The following ADAP1 variants were observed in gnomAD, a reference collection of about 807,000 sequenced individuals.
The protein encoded by ADAP1 is arf-GAP with dual PH domain-containing protein 1.
In ADAP1, 31 loss-of-function variants were observed where a neutral mutation model predicts 54.9. The ratio of observed to expected loss-of-function variants is 0.56; its 90% CI spans 0.42 to 0.76. The LOEUF (loss-of-function observed/expected upper bound fraction) is 0.76, where lower values mean the gene tolerates loss of function less well. ADAP1 is among the 30% of genes least tolerant of loss of function. The pLI is 0.00. For missense variants in ADAP1, 535 were observed against 512.4 expected (o/e 1.04, Z -0.42); for synonymous variants, 313 against 202.6 (o/e 1.55, Z -4.63).
chr7:908,081 G>A (rs866982665), intron 4 of ADAP1, among the ~76,000 whole-genome samples: 1 of 152,168 alleles, frequency 6.6e-6, no homozygotes, highest in Non-Finnish European at 1.5e-5. Flanking sequence ...CATCCTGCTG[G>A]CCATGTGGCC....
chr7:930,502 C>A (rs186766954), intron 2 of ADAP1, among the ~76,000 whole-genome samples: 141 of 148,992 alleles, frequency 9.5e-4, no homozygotes, highest in African/African-American at 3.2e-3. Context: ...ATAGCAAGAC[C>A]CCATCACTAC....
At chr7:921,953 C>G (rs12669038) in intron 3 of ADAP1, among the ~76,000 whole-genome samples, 1 of 152,168 alleles carries the variant, frequency 6.6e-6, no homozygotes, top group African/African-American at 2.4e-5. Flanking sequence ...GGCTCACACC[C>G]GCACACAAGG....
chr7:931,323 G>A (rs1337051593), intron 2 of ADAP1, among the ~76,000 whole-genome samples: 2 of 152,182 alleles, frequency 1.3e-5, no homozygotes, highest in Non-Finnish European at 2.9e-5. Flanking sequence ...AGGTAGAGAC[G>A]ACCCACGTGT....
chr7:935,761 C>G (rs34254431), intron 1 of ADAP1, among the ~76,000 whole-genome samples: 73,911 of 151,814 alleles, frequency 0.49, 18,157 homozygotes, highest in East Asian at 0.68. Flanking sequence ...CCTGCTCTGC[C>G]CCGCGGGTGC....
At chr7:931,481 C>T (rs1285272112) in intron 2 of ADAP1, among the ~76,000 whole-genome samples, 1 of 152,124 alleles carries the variant, frequency 6.6e-6, no homozygotes, top group Non-Finnish European at 1.5e-5. Flanking sequence ...GACGCCGAAG[C>T]TCACACGCCG....
chr7:900,694 ACAGAGGGGCCG>A (rs1844757041), intron 6 of ADAP1, 78 bp from the exon 7 acceptor site: 9 of 1,313,718 alleles, frequency 6.9e-6, no homozygotes, highest in Non-Finnish European at 9.6e-6. Context: ...TGGGGTCCCC[ACAGAGGGGCCG>A]CTTCCCCCAG....
intron 5 of ADAP1, among the ~76,000 whole-genome samples, chr7:904,523 C>A (rs955279582): frequency 5.9e-5 from 9 of 152,310 alleles, no homozygotes; most frequent in African/African-American, 1.9e-4. Context: ...GCACCTCCCT[C>A]CCCGGGGGCA....
chr7:903,967 G>A (rs773225759), intron 6 of ADAP1, 159 bp downstream of exon 6: 160 of 933,432 alleles, frequency 1.7e-4, no homozygotes, highest in South Asian at 1.2e-3. Context: ...CCAAGCACCC[G>A]CCTTCCCACG....
rs1847342728 is a variant in ADAP1, at chr7:954,560, C to A, written c.-83G>T. 9.1e-6 allele frequency: 9 copies of A among 988,016 alleles called. No homozygotes were observed. The highest frequency in any genetic ancestry group is 1.1e-5 in the Non-Finnish European group (9 of 832,918). 61.2% of individuals were successfully genotyped at this position (988,016 alleles called of 1,614,324 possible). ...CTCGCTAGGGCCCCGCGCAGGCCGCCCGCCGCCGCCGCCCCTGCGCCATCC... is the reference window on the plus strand; with the variant it reads ...CTCGCTAGGGCCCCGCGCAGGCCGCACGCCGCCGCCGCCCCTGCGCCATCC... On this transcript the variant is annotated 5_prime_UTR_variant, in exon 1 of 11. Coordinates refer to ENST00000265846, the MANE Select transcript of ADAP1 (RefSeq NM_006869.4).
In ADAP1 at chr7:920,047, G is replaced by A. The variant is rs779610977; in HGVS notation, c.309C>T (p.Leu103=). The A allele has an allele frequency of 1.9e-6, 3 of 1,605,838 alleles. No homozygotes were observed. Among genetic ancestry groups the A allele is most frequent in the Non-Finnish European group, 2.5e-6 (3 of 1,179,430 alleles). ...YYRPTPSDCQ[L]LREQWIRAKY... ...TGGCCCGGATCCACTGCTCTCGAAG[G>A]AGCCTGTGGGGAGAGGAGAGACTGA... Residue 103 remains leucine, a synonymous_variant, in exon 4 of 11, where the codon CTC becomes CTT. Transcript: ENST00000265846. The surrounding 1 kb of genome is among the most constrained non-coding windows in gnomAD (Gnocchi z 4.5).
chr7:901,793 C>T (rs896774147), intron 6 of ADAP1, among the ~76,000 whole-genome samples: 5 of 151,366 alleles, frequency 3.3e-5, no homozygotes, highest in African/African-American at 1.2e-4. Context: ...CGGCCCGCCC[C>T]GTCCCATTTG....
At chr7:936,872 T>C (rs1438673918) in intron 1 of ADAP1, among the ~76,000 whole-genome samples, 3 of 152,158 alleles carry the variant, frequency 2.0e-5, no homozygotes, top group Non-Finnish European at 4.4e-5. Context: ...TGGCGGAGGA[T>C]AGCCCCCCTC....
intron 2 of ADAP1, among the ~76,000 whole-genome samples, chr7:930,055 G>T (rs1315056384): frequency 6.5e-5 from 8 of 123,676 alleles, no homozygotes; most frequent in African/African-American, 2.5e-4. Context: ...ACTGAGCTGT[G>T]ATTGAGCCAC....
Position 900,288 on chromosome 7 carries a change from G to C in ADAP1, c.733-124C>G, listed in dbSNP as rs1429123634. 4 of 1,199,538 alleles carry C rather than the reference G, an allele frequency of 3.3e-6. No homozygotes were observed. The Admixed American group carries it at 6.0e-5, about 18-fold the overall frequency. The allele number at this position is 1,199,538 out of a possible 1,614,324, so 74.3% of individuals were successfully genotyped here. A position where few individuals can be genotyped will look rare whatever the true frequency, so the allele number is the denominator to read the frequency against. ...CAGGTCAGGGCCCAGGCCTGGCTTA[G>C]CCTCCGCAGGATCCACATTTCTGCC... is the stretch of plus-strand genomic sequence containing the variant. On this transcript the variant is annotated intron_variant, in intron 7 of 10. Transcript: ENST00000265846.
chr7:936,337 C>T (rs944848462), intron 1 of ADAP1, among the ~76,000 whole-genome samples: 1 of 152,136 alleles, frequency 6.6e-6, no homozygotes, highest in African/African-American at 2.4e-5. Context: ...AGTAGCGAGG[C>T]ACGCACCACC....
chr7:919,820 TGGG>T, intron 4 of ADAP1, 145 bp downstream of exon 4: 1 of 60,378 alleles, frequency 1.7e-5, no homozygotes, highest in South Asian at 1.8e-4. Flanking sequence ...GGGAGGGAGA[TGGG>T]GGAGGGAGGG....
chr7:926,967 C>T lies in ADAP1; in HGVS notation c.214-323G>A. The stretch of plus-strand genomic sequence containing the variant: ...CCCCAAGTCCACCCACACCGGGTGT[C>T]CCGTGGGAGAGAGCTGGCTGCATCC... On this transcript the variant is annotated intron_variant, in intron 2 of 10. Transcript: ENST00000265846. The surrounding 1 kb of genome is among the most constrained non-coding windows in gnomAD (Gnocchi z 4.6). 1 of 1,266,238 alleles carries T rather than the reference C, an allele frequency of 7.9e-7. No individual in the cohort carries two copies. Among genetic ancestry groups the T allele is most frequent in the Non-Finnish European group, 1.0e-6 (1 of 981,250 alleles). 78.4% of individuals were successfully genotyped at this position (1,266,238 alleles called of 1,614,324 possible). A position where few individuals can be genotyped will look rare whatever the true frequency, so the allele number is the denominator to read the frequency against.
At chr7:948,986 T>C (rs1375153312) in intron 1 of ADAP1, among the ~76,000 whole-genome samples, 7 of 152,172 alleles carry the variant, frequency 4.6e-5, no homozygotes, top group Non-Finnish European at 5.9e-5. Flanking sequence ...TGAGCCACCA[T>C]GCCCGGCCCT....
At chr7:942,214 C>G (rs1485175362) in intron 1 of ADAP1, among the ~76,000 whole-genome samples, 1 of 152,018 alleles carries the variant, frequency 6.6e-6, no homozygotes, top group Non-Finnish European at 1.5e-5. Context: ...GAAAAGTCTC[C>G]GTAACTTTGG....
Sources: allele counts gnomAD v4.1 joint callset (sites outside exome capture counted in the v4.1 genomes callset), GRCh38; gene constraint gnomAD v4.1.1; non-coding constraint Gnocchi (gnomAD v3.1); transcripts MANE v1.5; gene names NCBI Gene and HGNC (gene_info 2026-07-23, HGNC 2026-07-21).